Variants in ARHGAP6 observed in about 807,000 individuals in gnomAD.
ARHGAP6 encodes rho GTPase-activating protein 6.
In ARHGAP6, 16 loss-of-function variants were observed where a neutral mutation model predicts 55.7. The ratio of observed to expected loss-of-function variants is 0.29; its 90% CI spans 0.19 to 0.44. The LOEUF (loss-of-function observed/expected upper bound fraction) is 0.44, where lower values mean the gene tolerates loss of function less well. Among genes scored for constraint, ARHGAP6 ranks in the 20% least tolerant of loss-of-function variants. ARHGAP6 has a pLI of 1.00. For missense variants in ARHGAP6, 698 were observed against 808.9 expected, an observed-to-expected ratio of 0.86 and a Z score of 1.66; for synonymous variants, 382 against 360.9, an observed-to-expected ratio of 1.06 and a Z score of -0.66.
intron 1 of ARHGAP6, among the ~76,000 whole-genome samples, chrX:11,358,334 G>A (rs1447034589): frequency 8.9e-6 from 1 of 111,742 alleles, no homozygotes; most frequent in African/African-American, 3.3e-5. Context: ...GAACATTCAT[G>A]TACATGTTTC....
rs762772268 is a variant in ARHGAP6, at chrX:11,144,017, C to T, written c.2139G>A (p.Lys713=). The change falls in exon 11 of 13, where the codon AAG becomes AAA. Residue 713 remains lysine, a synonymous_variant. Coordinates refer to ENST00000337414, the MANE Select transcript of ARHGAP6 (RefSeq NM_013427.3). ...TTGGTCCAGGAGAACTTTCCCTTGA[C>T]TTTGACGACGACAAGTGGCCCACCA... The part of the protein sequence containing the change: ...FMLVGHLSSS[K]SRESSPGPRL... 1.2e-4 allele frequency: 143 copies of T among 1,210,249 alleles called. No homozygotes were observed. Among genetic ancestry groups the T allele is most frequent in the Admixed American group, 2.0e-4 (9 of 45,866 alleles).
chrX:11,323,651 G>A (rs756575155), intron 1 of ARHGAP6, among the ~76,000 whole-genome samples: 1 of 111,207 alleles, frequency 9.0e-6, no homozygotes, highest in Non-Finnish European at 1.9e-5. Context: ...GATCACCTGA[G>A]GTCAGAAGTT....
chrX:11,546,745 C>T (rs762691296), intron 1 of ARHGAP6, among the ~76,000 whole-genome samples: 1 of 112,069 alleles, frequency 8.9e-6, no homozygotes, highest in South Asian at 3.7e-4. Flanking sequence ...CAACATTCTT[C>T]CCCACTTCAA....
intron 1 of ARHGAP6, among the ~76,000 whole-genome samples, chrX:11,395,016 C>T (rs1400595961): frequency 2.7e-5 from 3 of 112,168 alleles, no homozygotes; most frequent in Non-Finnish European, 5.6e-5. Context: ...AGGTAGGATA[C>T]TCATAAAGCT....
intron 1 of ARHGAP6, among the ~76,000 whole-genome samples, chrX:11,419,180 C>T (rs945220663): frequency 1.6e-4 from 18 of 112,345 alleles, no homozygotes; most frequent in Admixed American, 9.4e-4. Flanking sequence ...GCTCTGGTAA[C>T]GCTGGTCCCT....
At position 11,344,411 on chromosome X, in the gene ARHGAP6, G is replaced by A. The variant is rs772235710; in HGVS notation, c.589-89704C>T. Among the ~76,000 whole-genome samples, 11 of 110,744 alleles carry A rather than the reference G, an allele frequency of 9.9e-5. No individual in the cohort carries two copies. The South Asian group carries it at 1.2e-3, about 12-fold the overall frequency. ...TGCCCGGCCAGGCGCAGTGGCTCACGCCTGTAATCACAACACTTTGGGAGG... is the reference window on the plus strand; with the variant it reads ...TGCCCGGCCAGGCGCAGTGGCTCACACCTGTAATCACAACACTTTGGGAGG... On this transcript the variant is annotated intron_variant, in intron 1 of 12. Transcript: ENST00000337414.
chrX:11,468,806 G>A (rs1481517996), intron 1 of ARHGAP6, among the ~76,000 whole-genome samples: 2 of 112,501 alleles, frequency 1.8e-5, no homozygotes, highest in Non-Finnish European at 3.8e-5. Flanking sequence ...TTATGTCAAG[G>A]TACTATGCAA....
chrX:11,507,865 G>C (rs777116531), intron 1 of ARHGAP6, among the ~76,000 whole-genome samples: 1 of 112,101 alleles, frequency 8.9e-6, no homozygotes, highest in Non-Finnish European at 1.9e-5. Flanking sequence ...GCCTCAGAGA[G>C]ACTTCTAGTG....
chrX:11,468,242 G>A (rs891442099), intron 1 of ARHGAP6, among the ~76,000 whole-genome samples: 2 of 111,513 alleles, frequency 1.8e-5, no homozygotes, highest in African/African-American at 6.5e-5. Flanking sequence ...ACTTTTGTGT[G>A]TATACATTTC....
intron 1 of ARHGAP6, among the ~76,000 whole-genome samples, chrX:11,613,554 A>C (rs1276383694): frequency 4.5e-5 from 5 of 112,247 alleles, no homozygotes; most frequent in Non-Finnish European, 7.5e-5. Flanking sequence ...GCCCTATCTA[A>C]TATAGAAGGT....
chrX:11,617,061 T>C (rs2052174552), intron 1 of ARHGAP6, among the ~76,000 whole-genome samples: 1 of 112,328 alleles, frequency 8.9e-6, no homozygotes, highest in African/African-American at 3.2e-5. Flanking sequence ...CACATGCAGC[T>C]ATTGAGCACA....
At chrX:11,436,071 C>G (rs1295922957) in intron 1 of ARHGAP6, among the ~76,000 whole-genome samples, 1 of 112,393 alleles carries the variant, frequency 8.9e-6, no homozygotes, top group Admixed American at 9.4e-5. Flanking sequence ...TATACATAAA[C>G]TACACAAATC....
chrX:11,514,087 A>C (rs1282836289), intron 1 of ARHGAP6, among the ~76,000 whole-genome samples: 1 of 96,994 alleles, frequency 1.0e-5, no homozygotes, highest in Non-Finnish European at 2.0e-5. Context: ...GCTTGAGCCC[A>C]GGAAGTGGAG....
chrX:11,277,095 T>C (rs752304839), intron 1 of ARHGAP6, among the ~76,000 whole-genome samples: 2 of 111,572 alleles, frequency 1.8e-5, no homozygotes, highest in South Asian at 7.6e-4. Flanking sequence ...TGGTTTTGCA[T>C]GTTTTTGACA....
At chrX:11,300,721 A>C in intron 1 of ARHGAP6, 1 of 743,830 alleles carries the variant, frequency 1.3e-6, no homozygotes. Flanking sequence ...TCTGTAACTA[A>C]AAAAGTACCA....
chrX:11,595,251 T>C (rs191619379), intron 1 of ARHGAP6, among the ~76,000 whole-genome samples: 9,078 of 105,960 alleles, frequency 0.086, 434 homozygotes, highest in East Asian at 0.19. Context: ...GATTGTGCCA[T>C]TGCACTCCAG....
chrX:11,186,171 A>G, intron 5 of ARHGAP6, 65 bp downstream of exon 5: 1 of 994,424 alleles, frequency 1.0e-6, no homozygotes, highest in Non-Finnish European at 1.4e-6. Context: ...GACATTGGGT[A>G]CTTCAGTGAA....
chrX:11,289,115 C>T (rs1413455609), intron 1 of ARHGAP6, among the ~76,000 whole-genome samples: 10 of 112,055 alleles, frequency 8.9e-5, no homozygotes, highest in East Asian at 2.8e-4. Flanking sequence ...CAAATGCCTA[C>T]GGACTTTTCA....
In ARHGAP6 at chrX:11,340,727, T is replaced by TA. The variant is rs375095149; in HGVS notation, c.589-86021dup. 1.2e-3 allele frequency among the ~76,000 whole-genome samples: 118 copies of TA among 96,636 alleles called. 2 individuals carry two copies. Among genetic ancestry groups the TA allele is most frequent in the Non-Finnish European group, 1.8e-3 (84 of 47,970 alleles). The allele number at this position is 96,636 out of a possible 115,157, so 83.9% of individuals were successfully genotyped here. A position where few individuals can be genotyped will look rare whatever the true frequency, so the allele number is the denominator to read the frequency against. ...CTGGGAGAAAGAGTGAGACTCCGTC[T>TA]AAAAAAAAAAAAAGATTTCGCCTTC... On this transcript the variant is annotated intron_variant, in intron 1 of 12. Coordinates refer to ENST00000337414, the MANE Select transcript of ARHGAP6 (RefSeq NM_013427.3).
Sources: gnomAD v4.1 joint callset for allele counts (sites outside exome capture counted in the v4.1 genomes callset) on GRCh38, gnomAD v4.1.1 for gene constraint, MANE v1.5 for transcripts, NCBI Gene and HGNC (gene_info 2026-07-23, HGNC 2026-07-21) for gene names.